Variants in ETFB observed in about 807,000 individuals in gnomAD.
ETFB encodes electron transfer flavoprotein subunit beta.
ETFB carries 20 observed loss-of-function variants against 25.6 expected under a neutral mutation model. The ratio of observed to expected loss-of-function variants is 0.78; its 90% CI spans 0.55 to 1.14. The LOEUF (loss-of-function observed/expected upper bound fraction) is 1.14, where lower values mean the gene tolerates loss of function less well. Ranked by LOEUF, ETFB falls within the 50% of genes most tolerant of loss-of-function variation. The pLI is 0.00. For synonymous variants in ETFB, 142 were observed against 146.7 expected (o/e 0.97, Z 0.23); for missense variants, 286 against 342.6 (o/e 0.83, Z 1.30).
At chr19:51,345,155 T>C, downstream of ETFB, 1 of 1,572,330 alleles carries the variant, frequency 6.4e-7, no homozygotes, top group Non-Finnish European at 8.8e-7. Context: ...CTCTAGGAAA[T>C]AAGTTAACAG....
intron 5 of ETFB, chr19:51,346,345 G>A (rs1985783377): frequency 1.2e-5 from 2 of 166,258 alleles, no homozygotes; most frequent in African/African-American, 4.8e-5. Flanking sequence ...CTCCCCATTA[G>A]TTGAGATGAT....
intron 4 of ETFB, among the ~76,000 whole-genome samples, chr19:51,349,461 C>T (rs7409421): frequency 0.87 from 122,272 of 140,008 alleles, 53,444 homozygotes; most frequent in African/African-American, 0.94. Flanking sequence ...TTTTTTTTTT[C>T]TTTTGAGACA....
chr19:51,366,278 C>T lies in ETFB; in HGVS notation c.49G>A (p.Ala17Thr). 1.2e-6 allele frequency: 2 copies of T among 1,613,978 alleles called. No individual in the cohort carries two copies. Among genetic ancestry groups the T allele is most frequent in the South Asian group, 2.2e-5 (2 of 91,068 alleles). ...GAGGGGGGCCCGATCACCTTCACGG[C>T]GTAGTCGATGACCCTCTTGACAGCT... ...LVAVKRVIDY[A>T]VKIRVKPDRT... The change falls in exon 1 of 6, where the codon GCC (alanine) becomes ACC (threonine). Residue 17 changes from alanine (A) to threonine (T), a missense_variant. Coordinates refer to ENST00000309244, the MANE Select transcript of ETFB (RefSeq NM_001985.3).
At chr19:51,358,335 A>G (rs570850992) in intron 1 of ETFB, among the ~76,000 whole-genome samples, 34 of 152,156 alleles carry the variant, frequency 2.2e-4, no homozygotes, top group African/African-American at 8.2e-4. Context: ...GGGGCTTCCC[A>G]CTCTGGCTGT....
intron 1 of ETFB, 187 bp from the exon 2 acceptor site, chr19:51,354,495 C>T: frequency 6.2e-7 from 1 of 1,614,206 alleles, no homozygotes; most frequent in Non-Finnish European, 8.5e-7. Context: ...GCAGGTCACC[C>T]TGTCTCCTTC....
intron 1 of ETFB, among the ~76,000 whole-genome samples, chr19:51,360,411 A>C (rs1347851184): frequency 6.6e-6 from 1 of 151,950 alleles, no homozygotes; most frequent in African/African-American, 2.4e-5. Context: ...AAAAAAAAAA[A>C]AAGAAAAGAA....
chr19:51,348,544 C>G (rs902389675), intron 4 of ETFB: 1 of 152,058 alleles, frequency 6.6e-6, no homozygotes, highest in African/African-American at 2.4e-5. Flanking sequence ...TGCTTGAGCC[C>G]AGGAGTTAAA....
At chr19:51,350,796 G>T (rs1047778580) in intron 3 of ETFB, among the ~76,000 whole-genome samples, 4 of 152,162 alleles carry the variant, frequency 2.6e-5, no homozygotes, top group South Asian at 2.1e-4. Flanking sequence ...TTCTATGGTG[G>T]AACAGATGTA....
chr19:51,362,417 AAAATACAAAAATTAGCCAGGCGTGG>A lies in ETFB; in HGVS notation c.57+3828_57+3852del, dbSNP rs374186792. 6.5e-3 allele frequency among the ~76,000 whole-genome samples: 989 copies of A among 152,168 alleles called. 8 individuals are homozygous for A. The highest frequency in any genetic ancestry group is 0.031 in the South Asian group (148 of 4,808). ...ACATAGCAAAACCTCGTTTCTACTAAAAATACAAAAATTAGCCAGGCGTGGTGGCTCACACGTGTAATCCCAGCTA... is the reference window on the plus strand; with the variant it reads ...ACATAGCAAAACCTCGTTTCTACTAATGGCTCACACGTGTAATCCCAGCTA... On this transcript the variant is annotated intron_variant, in intron 1 of 5. Transcript: ENST00000309244.
chr19:51,354,336 G>C, intron 1 of ETFB, 28 bp from the exon 2 acceptor site: 2 of 1,614,082 alleles, frequency 1.2e-6, no homozygotes, highest in Non-Finnish European at 8.5e-7. Flanking sequence ...AAGGGGTGGG[G>C]TCAGGAGGAA....
intron 4 of ETFB, 113 bp from the exon 5 acceptor site, chr19:51,347,171 G>T: frequency 1.9e-6 from 2 of 1,078,988 alleles, no homozygotes; most frequent in Non-Finnish European, 1.4e-6. Context: ...GAATGAGGGA[G>T]CGAACAATGC....
intron 1 of ETFB, among the ~76,000 whole-genome samples, chr19:51,363,649 A>T (rs531477583): frequency 5.8e-4 from 88 of 152,194 alleles, no homozygotes; most frequent in African/African-American, 1.9e-3. Context: ...GGGTTTCACC[A>T]TGTTGGCCTG....
chr19:51,353,099 C>T (rs1204274773), intron 3 of ETFB, 33 bp downstream of exon 3: 1 of 1,613,168 alleles, frequency 6.2e-7, no homozygotes, highest in South Asian at 1.1e-5. Context: ...CAGGGATGAG[C>T]AAGGGGGCAC....
At chr19:51,357,895 A>G (rs1986122923) in intron 1 of ETFB, among the ~76,000 whole-genome samples, 1 of 152,160 alleles carries the variant, frequency 6.6e-6, no homozygotes, top group African/African-American at 2.4e-5. Context: ...CACCAAAGTG[A>G]GAGGTGACAG....
In ETFB at chr19:51,354,182, T is replaced by G. The variant is rs199705168; in HGVS notation, c.184A>C (p.Ile62Leu). 6.2e-7 allele frequency: 1 copy of G among 1,614,098 alleles called. No homozygotes were observed. Among genetic ancestry groups the G allele is most frequent in the Non-Finnish European group, 8.5e-7 (1 of 1,180,016 alleles). Residue 62 changes from isoleucine (I) to leucine (L), a missense_variant, in exon 2 of 6, where the codon ATC (isoleucine) becomes CTC (leucine). Transcript: ENST00000309244. The stretch of plus-strand genomic sequence containing the variant: ...TGTGCAGGCCCACAGCTGACGGCGA[T>G]GACCTCCTTCACCAGCTTCTTCTCC... ...LKEKKLVKEV[I>L]AVSCGPAQCQ... is the part of the protein sequence containing the mutation.
chr19:51,354,876 C>A (rs1031666893), intron 1 of ETFB: 5 of 504,550 alleles, frequency 9.9e-6, no homozygotes, highest in Non-Finnish European at 1.8e-5. Flanking sequence ...AAAGTTCCCT[C>A]CCCTTTTCAG....
chr19:51,365,492 C>T (rs1986334615), intron 1 of ETFB: 1 of 152,512 alleles, frequency 6.6e-6, no homozygotes. Flanking sequence ...GGTAAGTCCC[C>T]AGGCTGATGG....
chr19:51,352,447 G>T (rs887484904), intron 3 of ETFB, among the ~76,000 whole-genome samples: 3 of 152,050 alleles, frequency 2.0e-5, no homozygotes, highest in African/African-American at 7.3e-5. Flanking sequence ...GCAGACCCAG[G>T]CACTGTCCTT....
Position 51,350,385 on chromosome 19 carries a change from C to A in ETFB, c.382G>T (p.Asp128Tyr). 6.7e-7 allele frequency: 1 copy of A among 1,502,486 alleles called. No homozygotes were observed. The highest frequency in any genetic ancestry group is 9.2e-7 in the Non-Finnish European group (1 of 1,081,224). The allele number at this position is 1,502,486 out of a possible 1,614,324, so 93.1% of individuals were successfully genotyped here. A position where few individuals can be genotyped will look rare whatever the true frequency, so the allele number is the denominator to read the frequency against. Residue 128 changes from aspartate to tyrosine, a missense_variant, in exon 4 of 6, where the codon GAT becomes TAT. Asp to Tyr is a radical substitution (Grantham distance 160). Coordinates refer to ENST00000309244, the MANE Select transcript of ETFB (RefSeq NM_001985.3). ...DLVLLGKQAI[D>Y]DDCNQTGQMT... ...TGCCCTGTCTGGTTACAGTCATCAT[C>A]GATGGCCTGAATGGGGAGAGACAGA...
Sources: gnomAD v4.1 joint callset for allele counts (sites outside exome capture counted in the v4.1 genomes callset) on GRCh38, gnomAD v4.1.1 for gene constraint, MANE v1.5 for transcripts, NCBI Gene and HGNC (gene_info 2026-07-23, HGNC 2026-07-21) for gene names.